The following URI1 variants were observed in gnomAD, a reference collection of about 807,000 sequenced individuals.
The protein encoded by URI1 is unconventional prefoldin RPB5 interactor 1.
In URI1, 39 loss-of-function variants were observed where a neutral mutation model predicts 60.2. The observed-to-expected ratio is 0.65, with a 90% confidence interval of 0.50 to 0.85. The LOEUF (loss-of-function observed/expected upper bound fraction) is 0.85, where lower values mean the gene tolerates loss of function less well. Ranked by LOEUF, URI1 falls within the 40% of genes least tolerant of loss-of-function variation. URI1 has a pLI of 0.00. For missense variants in URI1, 691 were observed against 665.9 expected (o/e 1.04, Z -0.42); for synonymous variants, 251 against 236.8 (o/e 1.06, Z -0.55).
At chr19:30,005,762 G>T (rs1247308074) in intron 6 of URI1, 54 bp downstream of exon 6, 43 of 1,495,154 alleles carry the variant, frequency 2.9e-5, no homozygotes, top group Non-Finnish European at 3.7e-5. Flanking sequence ...GATTTTTGTT[G>T]ATTTTCAGTG....
At chr19:29,927,829 G>A (rs745435778) in intron 1 of URI1, among the ~76,000 whole-genome samples, 3 of 151,728 alleles carry the variant, frequency 2.0e-5, no homozygotes, top group East Asian at 1.9e-4. Flanking sequence ...TGCCCACCTC[G>A]GCCTCCCAAA....
intron 1 of URI1, 23 bp from the exon 2 acceptor site, chr19:29,971,170 G>A (rs767522723): frequency 1.2e-6 from 2 of 1,612,200 alleles, no homozygotes; most frequent in South Asian, 1.1e-5. Flanking sequence ...TTTTTCATGA[G>A]TAGTTATCTG....
At chr19:29,941,596 G>T (rs1475889743), upstream of URI1, among the ~76,000 whole-genome samples, 5 of 150,908 alleles carry the variant, frequency 3.3e-5, no homozygotes, top group African/African-American at 9.8e-5. Flanking sequence ...ACTCCAGCCC[G>T]GGCGACAGAC....
chr19:29,964,468 T>G (rs1375656936), intron 1 of URI1, among the ~76,000 whole-genome samples: 1 of 149,480 alleles, frequency 6.7e-6, no homozygotes, highest in Non-Finnish European at 1.5e-5. Context: ...TGTTTTGTTT[T>G]TTTTTTTTTT....
chr19:30,012,037 T>TA (rs1019338219), intron 9 of URI1, among the ~76,000 whole-genome samples: 13 of 152,048 alleles, frequency 8.5e-5, no homozygotes, highest in Non-Finnish European at 1.6e-4. Context: ...CCCTAGAACT[T>TA]AAAGTATAAT....
chr19:29,980,939 A>C (rs956054223), intron 2 of URI1, among the ~76,000 whole-genome samples: 1 of 151,560 alleles, frequency 6.6e-6, no homozygotes, highest in African/African-American at 2.4e-5. Flanking sequence ...AAAAAAAAAA[A>C]AAAAAGTTCA....
chr19:29,990,847 A>T (rs74780277), intron 4 of URI1, among the ~76,000 whole-genome samples: 3,158 of 152,316 alleles, frequency 0.021, 105 homozygotes, highest in African/African-American at 0.071. Context: ...GTACATTTTA[A>T]ATGGGTGAAT....
intron 1 of URI1, among the ~76,000 whole-genome samples, chr19:29,926,253 TTCCTTCC>T (rs1307194922): frequency 2.4e-4 from 34 of 140,960 alleles, no homozygotes; most frequent in Non-Finnish European, 3.8e-4. Flanking sequence ...CCTTCCTTCC[TTCCTTCC>T]TTCCTTCCTT....
At chr19:29,966,771 G>C (rs1388517203) in intron 1 of URI1, among the ~76,000 whole-genome samples, 1 of 152,170 alleles carries the variant, frequency 6.6e-6, no homozygotes, top group African/African-American at 2.4e-5. Flanking sequence ...AAAATAGTAA[G>C]ATCTGTCTTG....
chr19:29,995,824 T>C (rs2055805928), intron 4 of URI1, among the ~76,000 whole-genome samples: 1 of 152,158 alleles, frequency 6.6e-6, no homozygotes, highest in South Asian at 2.1e-4. Flanking sequence ...TTCTTTTGCA[T>C]GTGGTTCCAG....
intron 4 of URI1, among the ~76,000 whole-genome samples, chr19:29,990,773 A>G (rs901830562): frequency 6.6e-6 from 1 of 152,212 alleles, no homozygotes; most frequent in Non-Finnish European, 1.5e-5. Flanking sequence ...GGCAATGAAA[A>G]TACAAAAATA....
Position 29,929,779 on chromosome 19 carries a change from C to T in URI1, c.63+6025C>T, listed in dbSNP as rs574775803. Among the ~76,000 whole-genome samples, 33 of 146,576 alleles carry T rather than the reference C, an allele frequency of 2.3e-4. No homozygotes were observed. The South Asian group carries it at 6.5e-3, about 29-fold the overall frequency. On this transcript the variant is annotated intron_variant, in intron 1 of 10. Coordinates refer to the URI1 transcript ENST00000360605. ...GAGAAATAGCTATGCAAGTTCTTTG[C>T]TCATTTTGGGGTTTTCCATGAAACT...
At position 29,945,939 on chromosome 19, in the gene URI1, A is replaced by G. The variant is rs114070708; in HGVS notation, c.117+3275A>G. Among the ~76,000 whole-genome samples, 1,083 of 152,282 alleles carry G rather than the reference A, an allele frequency of 7.1e-3. 10 individuals carry two copies. Among genetic ancestry groups the G allele is most frequent in the African/African-American group, 0.024 (1,008 of 41,554 alleles). ...AAATTGGAATGTTACTTTAATTGCA[A>G]AACACTTTCTGAGCCTGAAAAATGG... On this transcript the variant is annotated intron_variant, in intron 1 of 10. Transcript: ENST00000392271.
chr19:29,965,780 T>C (rs2055384578), intron 1 of URI1, among the ~76,000 whole-genome samples: 1 of 151,986 alleles, frequency 6.6e-6, no homozygotes, highest in South Asian at 2.1e-4. Context: ...TAGTGAGTAA[T>C]GATTACTGAA....
chr19:29,931,088 C>T lies in URI1; in HGVS notation c.63+7334C>T, dbSNP rs117065231. 7.2e-3 allele frequency among the ~76,000 whole-genome samples: 1,100 copies of T among 152,106 alleles called. 6 individuals carry two copies. The highest frequency in any genetic ancestry group is 0.011 in the African/African-American group (439 of 41,508). The stretch of plus-strand genomic sequence containing the variant: ...GACCTCCAACTTTGTTCTTCTTTTT[C>T]GGTTATTTTGGTTATTTGGGGTCTC... On this transcript the variant is annotated intron_variant, in intron 1 of 10. Transcript: ENST00000360605.
In URI1 at chr19:29,973,247, A is replaced by T. The variant is rs528772531; in HGVS notation, c.152+2020A>T. On this transcript the variant is annotated intron_variant, in intron 2 of 10. Transcript: ENST00000392271. The stretch of plus-strand genomic sequence containing the variant: ...CTGTTTGGAATTGAAAGACCCTGCC[A>T]TAGAAGAATTCATAGCCAGACATAT... Among the ~76,000 whole-genome samples the T allele has an allele frequency of 8.5e-5, 13 of 152,304 alleles. No homozygotes were observed. The South Asian group carries it at 2.5e-3, about 29-fold the overall frequency.
intron 1 of URI1, chr19:29,958,088 T>G (rs1427019889): frequency 1.3e-5 from 2 of 152,214 alleles, no homozygotes; most frequent in Non-Finnish European, 2.9e-5. Flanking sequence ...CCACCATGCC[T>G]GGCCTAAATT....
chr19:29,935,069 T>C (rs1312061989), intron 1 of URI1, among the ~76,000 whole-genome samples: 1 of 152,244 alleles, frequency 6.6e-6, no homozygotes, highest in African/African-American at 2.4e-5. Context: ...TGCTTTTCTG[T>C]ACATTTTTTA....
Position 29,942,435 on chromosome 19 carries a change from G to A in URI1, c.-113G>A. ...CGGCGGGCGCGGCCTCCTGGGCGCG[G>A]GGCGCGCGGTGCCTGAGGGCGGGCG... On this transcript the variant is annotated 5_prime_UTR_variant, in exon 1 of 11. Coordinates refer to ENST00000392271, the MANE Select transcript of URI1 (RefSeq NM_003796.3). The A allele has an allele frequency of 9.1e-6, 9 of 986,822 alleles. No homozygotes were observed. The highest frequency in any genetic ancestry group is 1.1e-5 in the Non-Finnish European group (9 of 831,608). 61.1% of individuals were successfully genotyped at this position (986,822 alleles called of 1,614,324 possible).
Sources: allele counts gnomAD v4.1 joint callset (sites outside exome capture counted in the v4.1 genomes callset), GRCh38; gene constraint gnomAD v4.1.1; transcripts MANE v1.5; gene names NCBI Gene and HGNC (gene_info 2026-07-23, HGNC 2026-07-21).